Variants in INKA2 observed in about 807,000 individuals in gnomAD.
INKA2 encodes the protein PAK4-inhibitor INKA2.
A neutral mutation model predicts 9.8 loss-of-function variants in INKA2; 3 were observed. The observed-to-expected ratio is 0.31, with a 90% confidence interval of 0.14 to 0.79. The LOEUF (loss-of-function observed/expected upper bound fraction) is 0.79, where lower values mean the gene tolerates loss of function less well. Among genes scored for constraint, INKA2 ranks in the 30% least tolerant of loss-of-function variants. INKA2 has a pLI of 0.62. For missense variants in INKA2, 392 were observed against 384.4 expected (o/e 1.02, Z -0.17); for synonymous variants, 147 against 143.3 (o/e 1.03, Z -0.18).
Position 111,725,353 on chromosome 1 carries a change from T to G in INKA2, c.*1615A>C, listed in dbSNP as rs1208447020. 2 of 152,170 alleles carry G rather than the reference T, an allele frequency of 1.3e-5. No homozygotes were observed. The highest frequency in any genetic ancestry group is 2.9e-5 in the Non-Finnish European group (2 of 68,050). 9.4% of individuals were successfully genotyped at this position (152,170 alleles called of 1,614,324 possible). On this transcript the variant is annotated 3_prime_UTR_variant, in exon 2 of 2. Coordinates refer to ENST00000357260, the MANE Select transcript of INKA2 (RefSeq NM_019099.5). ...AGCCCAAAAGAAGATCCACATTGTC[T>G]TTTCCCAGCCAGTGAGTGTTCCCTA...
intron 1 of INKA2, among the ~76,000 whole-genome samples, chr1:111,732,576 C>A (rs944441243): frequency 6.6e-6 from 1 of 151,484 alleles, no homozygotes; most frequent in African/African-American, 2.4e-5. Flanking sequence ...GTTACACACA[C>A]ACACACACAC....
Position 111,733,155 on chromosome 1 carries a change from A to G in INKA2, c.58-5351T>C, listed in dbSNP as rs149371575. On this transcript the variant is annotated intron_variant, in intron 1 of 1. Transcript: ENST00000357260. The stretch of plus-strand genomic sequence containing the variant: ...AGACCTCCTTCATGATTTTCACCAT[A>G]TCTACATAGGACCTCGTCTCCATGA... Among the ~76,000 whole-genome samples, 497 of 152,252 alleles carry G rather than the reference A, an allele frequency of 3.3e-3. 1 individual carries two copies. The highest frequency in any genetic ancestry group is 0.011 in the African/African-American group (447 of 41,532).
rs763364984 is a variant in INKA2 at position 111,725,689 on chromosome 1, G to A, written c.*1279C>T. ...TCTCTGACCCAGGTGGGAGTTAAGT[G>A]CAGGAGACAGGGGTTGTGGGGTATG... On this transcript the variant is annotated 3_prime_UTR_variant, in exon 2 of 2. Coordinates refer to ENST00000357260, the MANE Select transcript of INKA2 (RefSeq NM_019099.5). 8 of 157,086 alleles carry A rather than the reference G, an allele frequency of 5.1e-5. No homozygotes were observed. The highest frequency in any genetic ancestry group is 7.0e-5 in the Non-Finnish European group (5 of 71,458). The allele number at this position is 157,086 out of a possible 1,614,324, so 9.7% of individuals were successfully genotyped here. A position where few individuals can be genotyped will look rare whatever the true frequency, so the allele number is the denominator to read the frequency against.
At chr1:111,755,623 A>G (rs552565168) in intron 1 of INKA2, 7 of 1,584,880 alleles carry the variant, frequency 4.4e-6, no homozygotes, top group Non-Finnish European at 5.2e-6. Context: ...GGCTCCGCCC[A>G]GAAGAGGGCC....
chr1:111,751,847 C>A (rs1010619784), intron 1 of INKA2, among the ~76,000 whole-genome samples: 3 of 152,186 alleles, frequency 2.0e-5, no homozygotes, highest in African/African-American at 7.2e-5. Flanking sequence ...TAGTTGCCTC[C>A]AATGTCCTTT....
intron 1 of INKA2, chr1:111,744,602 C>T (rs1286843856): frequency 6.7e-6 from 1 of 150,220 alleles, no homozygotes; most frequent in African/African-American, 2.5e-5. Context: ...GAGTCCCGCT[C>T]TGTCGCCCAA....
chr1:111,731,436 C>A (rs557219680), intron 1 of INKA2, among the ~76,000 whole-genome samples: 1 of 152,052 alleles, frequency 6.6e-6, no homozygotes, highest in Non-Finnish European at 1.5e-5. Flanking sequence ...CCACAACCTC[C>A]GCCTCCTGGG....
intron 1 of INKA2, among the ~76,000 whole-genome samples, chr1:111,750,840 A>G (rs1663391435): frequency 6.6e-6 from 1 of 152,190 alleles, no homozygotes; most frequent in African/African-American, 2.4e-5. Context: ...AGCATAATGG[A>G]TGAGGTGCTC....
intron 1 of INKA2, chr1:111,753,119 C>G (rs955706862): frequency 6.6e-6 from 1 of 152,230 alleles, no homozygotes; most frequent in Non-Finnish European, 1.5e-5. Context: ...ATAGGAATCT[C>G]TCCCTCCTCT....
In INKA2 at chr1:111,737,601, G is replaced by C. The variant is rs1663034194; in HGVS notation, c.57+1585C>G. Reference sequence around the variant, plus strand: ...TGCACACATAAATGGAAAAAAATGAGAATTGTGTACGTGTGGGCTGGGGCC... The same window carrying C: ...TGCACACATAAATGGAAAAAAATGACAATTGTGTACGTGTGGGCTGGGGCC... On this transcript the variant is annotated intron_variant, in intron 1 of 1. Coordinates refer to ENST00000357260, the MANE Select transcript of INKA2 (RefSeq NM_019099.5). Among the ~76,000 whole-genome samples the C allele has an allele frequency of 2.6e-5, 4 of 152,192 alleles. No individual in the cohort carries two copies. In the East Asian group the frequency reaches 7.7e-4, roughly 29 times the overall value.
At chr1:111,755,106 A>G (rs1310786015) in intron 1 of INKA2, 1 of 134,178 alleles carries the variant, frequency 7.5e-6, no homozygotes, top group Non-Finnish European at 1.7e-5. Context: ...TTGAGAGTCT[A>G]TTAGGCATCC....
chr1:111,726,877 G>C lies in INKA2; in HGVS notation c.*91C>G. The stretch of plus-strand genomic sequence containing the variant: ...GAAAGGAACTTGGAGTTGGGCTTTC[G>C]AGAGCCATACCGCCCACCCTCCCTC... On this transcript the variant is annotated 3_prime_UTR_variant, in exon 2 of 2. Coordinates refer to ENST00000357260, the MANE Select transcript of INKA2 (RefSeq NM_019099.5). 3.1e-6 allele frequency: 4 copies of C among 1,310,616 alleles called. No individual in the cohort carries two copies. In the South Asian group the frequency reaches 5.6e-5, roughly 18 times the overall value. 81.2% of individuals were successfully genotyped at this position (1,310,616 alleles called of 1,614,324 possible). A position where few individuals can be genotyped will look rare whatever the true frequency, so the allele number is the denominator to read the frequency against.
At chr1:111,754,403 G>C (rs1212931000) in intron 1 of INKA2, 4 of 152,190 alleles carry the variant, frequency 2.6e-5, no homozygotes, top group Non-Finnish European at 4.4e-5. Flanking sequence ...ATATCATATG[G>C]AATCTAGACC....
intron 1 of INKA2, among the ~76,000 whole-genome samples, chr1:111,749,038 A>C (rs12753316): frequency 0.036 from 5,415 of 152,270 alleles, 131 homozygotes; most frequent in East Asian, 0.072. Context: ...GGTGGAGGGA[A>C]TAGAAAATGT....
chr1:111,755,678 G>A, intron 1 of INKA2: 1 of 1,613,326 alleles, frequency 6.2e-7, no homozygotes. Flanking sequence ...GGCGCCCTCT[G>A]CAGGCCACAG....
chr1:111,740,433 C>T (rs1663118638), upstream of INKA2, among the ~76,000 whole-genome samples: 1 of 152,164 alleles, frequency 6.6e-6, no homozygotes, highest in Admixed American at 6.5e-5. Context: ...TCCGCGCCCG[C>T]CAGCGCTGCT....
intron 1 of INKA2, among the ~76,000 whole-genome samples, chr1:111,734,343 C>T (rs763674467): frequency 7.2e-5 from 11 of 152,210 alleles, no homozygotes; most frequent in South Asian, 2.1e-4. Flanking sequence ...AACTTCTCTC[C>T]GTTGCAGTCA....
intron 1 of INKA2, chr1:111,754,789 T>G (rs1218868937): frequency 1.3e-5 from 2 of 152,250 alleles, no homozygotes; most frequent in Non-Finnish European, 2.9e-5. Flanking sequence ...AGATTGTTTT[T>G]CCCACTAGGG....
At chr1:111,745,272 T>TATAC (rs1454853580) in intron 1 of INKA2, 1 of 37,078 alleles carries the variant, frequency 2.7e-5, no homozygotes, top group South Asian at 9.0e-4. Context: ...ATATTATATA[T>TATAC]ATATATATAT....
Sources: gnomAD v4.1 joint callset for allele counts (sites outside exome capture counted in the v4.1 genomes callset) on GRCh38, gnomAD v4.1.1 for gene constraint, MANE v1.5 for transcripts, NCBI Gene and HGNC (gene_info 2026-07-23, HGNC 2026-07-21) for gene names.